CD2AP: variants seen among roughly 807,000 people sequenced by gnomAD.
The protein encoded by CD2AP is CD2 associated protein.
In CD2AP, 46 loss-of-function variants were observed where a neutral mutation model predicts 85.1. That is an observed-to-expected ratio of 0.54 (90% CI 0.43 to 0.69). The LOEUF (loss-of-function observed/expected upper bound fraction) is 0.69. Ranked by LOEUF, CD2AP falls within the 30% of genes least tolerant of loss-of-function variation. The pLI is 0.00. For synonymous variants in CD2AP, 255 were observed against 252.9 expected, an observed-to-expected ratio of 1.01 and a Z score of -0.08; for missense variants, 769 against 729.5, an observed-to-expected ratio of 1.05 and a Z score of -0.62.
chr6:47,576,435 A>G, intron 6 of CD2AP, 89 bp from the exon 7 acceptor site: 1 of 890,466 alleles, frequency 1.1e-6, no homozygotes, highest in South Asian at 1.3e-5. Flanking sequence ...CCATTAGGGA[A>G]AGCTGGGTAA....
intron 2 of CD2AP, among the ~76,000 whole-genome samples, chr6:47,518,923 C>T (rs371520735): frequency 3.4e-4 from 51 of 152,190 alleles, no homozygotes; most frequent in Non-Finnish European, 4.9e-4. Context: ...GAAAGAGACA[C>T]GGTAGTACTG....
chr6:47,478,093 G>A lies in CD2AP; in HGVS notation c.-152G>A, dbSNP rs1402574342. ...AGACTGGTAGGAGAGCGCCGCGGGC[G>A]GATGGAGGCGACTCTTCGCCCCGCC... On this transcript the variant is annotated 5_prime_UTR_variant, in exon 1 of 18. Coordinates refer to ENST00000359314, the MANE Select transcript of CD2AP (RefSeq NM_012120.3). 3.1e-6 allele frequency: 3 copies of A among 970,486 alleles called. No homozygotes were observed. Among genetic ancestry groups the A allele is most frequent in the African/African-American group, 1.6e-5 (1 of 61,296 alleles). The allele number at this position is 970,486 out of a possible 1,614,324, so 60.1% of individuals were successfully genotyped here.
At chr6:47,585,196 A>T (rs1168186797) in intron 11 of CD2AP, among the ~76,000 whole-genome samples, 2 of 131,300 alleles carry the variant, frequency 1.5e-5, no homozygotes, top group Non-Finnish European at 3.6e-5. Context: ...CCAGCTACTC[A>T]GGAGGCTGAG....
intron 1 of CD2AP, among the ~76,000 whole-genome samples, chr6:47,498,337 A>G (rs1310602636): frequency 1.3e-5 from 2 of 152,216 alleles, no homozygotes; most frequent in Non-Finnish European, 2.9e-5. Flanking sequence ...TCTTTTGTAG[A>G]TGAAATTTTT....
intron 3 of CD2AP, among the ~76,000 whole-genome samples, chr6:47,537,758 G>A (rs1043026668): frequency 5.3e-5 from 8 of 151,870 alleles, no homozygotes; most frequent in Admixed American, 1.3e-4. Context: ...TCACTTAATG[G>A]CCTAAGCATT....
chr6:47,592,725 A>C (rs1475763), intron 11 of CD2AP, among the ~76,000 whole-genome samples: 1 of 152,092 alleles, frequency 6.6e-6, no homozygotes, highest in Non-Finnish European at 1.5e-5. Context: ...TAGAGAGCTC[A>C]TGGGTTTGTG....
intron 2 of CD2AP, among the ~76,000 whole-genome samples, chr6:47,511,396 C>G (rs1386925598): frequency 6.6e-6 from 1 of 152,150 alleles, no homozygotes; most frequent in Non-Finnish European, 1.5e-5. Context: ...CCAGAAGAGG[C>G]AAAGGAGACA....
intron 2 of CD2AP, among the ~76,000 whole-genome samples, chr6:47,513,965 A>C (rs1766387179): frequency 6.6e-6 from 1 of 151,948 alleles, no homozygotes; most frequent in South Asian, 2.1e-4. Flanking sequence ...ATTACTAGTG[A>C]AGCTAGGCAT....
chr6:47,512,920 AATGTGAGATTTC>A (rs1239349676), intron 2 of CD2AP, among the ~76,000 whole-genome samples: 2 of 152,212 alleles, frequency 1.3e-5, no homozygotes, highest in Non-Finnish European at 2.9e-5. Context: ...CTTTATATTT[AATGTGAGATTTC>A]AACATGGATA....
In CD2AP at chr6:47,563,944, A is replaced by G. The variant is rs535811916; in HGVS notation, c.541+9178A>G. On this transcript the variant is annotated intron_variant, in intron 5 of 17. Coordinates refer to ENST00000359314, the MANE Select transcript of CD2AP (RefSeq NM_012120.3). ...GTTCTAGTTGTTTAATTTAGTTTCA[A>G]TTGTTTTAATAGTTTCAGTTTTCTT... 2.0e-3 allele frequency among the ~76,000 whole-genome samples: 301 copies of G among 152,316 alleles called. 1 individual carries two copies. Among genetic ancestry groups the G allele is most frequent in the Middle Eastern group, 3.4e-3 (1 of 294 alleles).
At chr6:47,590,756 G>T (rs901764654) in intron 11 of CD2AP, among the ~76,000 whole-genome samples, 1 of 151,694 alleles carries the variant, frequency 6.6e-6, no homozygotes, top group Non-Finnish European at 1.5e-5. Context: ...ATAGGAGGGA[G>T]AAAAAAATGG....
chr6:47,622,106 T>C (rs2114166218), intron 17 of CD2AP, among the ~76,000 whole-genome samples: 1 of 152,280 alleles, frequency 6.6e-6, no homozygotes, highest in Admixed American at 6.5e-5. Flanking sequence ...TGAATCATGC[T>C]GGTTGTCAGG....
At chr6:47,573,672 G>A (rs987590174) in intron 5 of CD2AP, among the ~76,000 whole-genome samples, 10 of 151,812 alleles carry the variant, frequency 6.6e-5, no homozygotes, top group Admixed American at 3.3e-4. Context: ...TATATTTTTA[G>A]TGGAGACGGG....
intron 17 of CD2AP, among the ~76,000 whole-genome samples, chr6:47,613,960 C>T (rs796374240): frequency 9.2e-5 from 14 of 152,312 alleles, no homozygotes; most frequent in African/African-American, 3.4e-4. Context: ...CCACATGAAC[C>T]AGCCTCTGCT....
chr6:47,486,754 C>G (rs866641531), intron 1 of CD2AP, among the ~76,000 whole-genome samples: 1 of 152,144 alleles, frequency 6.6e-6, no homozygotes, highest in African/African-American at 2.4e-5. Flanking sequence ...TACCTAACAT[C>G]TAGACTGACT....
intron 7 of CD2AP, 31 bp from the exon 8 acceptor site, chr6:47,576,978 T>G: frequency 9.0e-7 from 1 of 1,107,798 alleles, no homozygotes; most frequent in Non-Finnish European, 1.4e-6. Flanking sequence ...TCCATTTGTG[T>G]GAGCCACATT....
chr6:47,547,084 A>G (rs1352035720), intron 4 of CD2AP, among the ~76,000 whole-genome samples: 1 of 152,178 alleles, frequency 6.6e-6, no homozygotes, highest in Non-Finnish European at 1.5e-5. Flanking sequence ...TTGAAGCATA[A>G]ATCTCACAGG....
chr6:47,537,297 A>G (rs1192445221), intron 3 of CD2AP, among the ~76,000 whole-genome samples: 2 of 152,216 alleles, frequency 1.3e-5, no homozygotes, highest in African/African-American at 4.8e-5. Flanking sequence ...TCTTTGCAGC[A>G]TACCTTTTGA....
At chr6:47,572,241 C>G (rs1403927613) in intron 5 of CD2AP, among the ~76,000 whole-genome samples, 3 of 152,138 alleles carry the variant, frequency 2.0e-5, no homozygotes, top group Non-Finnish European at 4.4e-5. Flanking sequence ...AAGCAGGGGC[C>G]GGGCGCAGTG....
Sources: gnomAD v4.1 joint callset for allele counts (sites outside exome capture counted in the v4.1 genomes callset) on GRCh38, gnomAD v4.1.1 for gene constraint, MANE v1.5 for transcripts, NCBI Gene and HGNC (gene_info 2026-07-23, HGNC 2026-07-21) for gene names.